COL24A1: variants seen among roughly 807,000 people sequenced by gnomAD.
COL24A1 encodes the protein collagen type XXIV alpha 1 chain.
Under a neutral mutation model 253.9 loss-of-function variants are expected in COL24A1, and 224 were observed. That is an observed-to-expected ratio of 0.88 (90% CI 0.79 to 0.99). The LOEUF (loss-of-function observed/expected upper bound fraction) is 0.99, where lower values mean the gene tolerates loss of function less well. Among genes scored for constraint, COL24A1 ranks in the 50% least tolerant of loss-of-function variants. The probability of loss-of-function intolerance (pLI) is 0.00; values close to 1 mark genes in which losing one functional copy is unlikely to be tolerated. For synonymous variants in COL24A1, 685 were observed against 673.7 expected (o/e 1.02, Z -0.26); for missense variants, 2,131 against 2,068.5 (o/e 1.03, Z -0.59).
chr1:86,057,102 G>A (rs556591396), intron 10 of COL24A1, among the ~76,000 whole-genome samples: 3 of 152,214 alleles, frequency 2.0e-5, no homozygotes, highest in African/African-American at 7.2e-5. Flanking sequence ...TGGATTGGGG[G>A]GCGGATCCCT....
chr1:85,965,651 T>G (rs1417150975), intron 22 of COL24A1, among the ~76,000 whole-genome samples: 1 of 152,004 alleles, frequency 6.6e-6, no homozygotes, highest in African/African-American at 2.4e-5. Context: ...CCTTGACCCC[T>G]CAACCAACTT....
rs1268931702 is a variant in COL24A1, at chr1:85,816,849, C to G, written c.3890G>C (p.Gly1297Ala). Residue 1297 changes from glycine to alanine, a missense_variant, in exon 47 of 60, where the codon GGA becomes GCA. By Grantham distance (60) the Gly-to-Ala change is moderately conservative. Coordinates refer to ENST00000370571, the MANE Select transcript of COL24A1 (RefSeq NM_152890.7). ...AGGGTTTCCTGAAATGCCATCTGCT[C>G]CATGGTATCCTTGTATGCCTTTTGG... ...LGPKGIQGYH[G>A]ADGISGNPGK... 6.2e-7 allele frequency: 1 copy of G among 1,614,006 alleles called. No individual in the cohort carries two copies. The highest frequency in any genetic ancestry group is 8.5e-7 in the Non-Finnish European group (1 of 1,179,908).
intron 46 of COL24A1, 38 bp downstream of exon 46, chr1:85,817,996 T>C (rs746256699): frequency 3.8e-6 from 6 of 1,588,334 alleles, no homozygotes; most frequent in Non-Finnish European, 5.2e-6. Context: ...CAGTTCCATT[T>C]AGAAAAGCAA....
intron 2 of COL24A1, among the ~76,000 whole-genome samples, chr1:86,128,431 T>C (rs1005278165): frequency 6.6e-6 from 1 of 152,010 alleles, no homozygotes; most frequent in African/African-American, 2.4e-5. Context: ...ATTTAAAGTA[T>C]ATATGATCAT....
chr1:86,049,164 C>T (rs764688071), intron 11 of COL24A1, among the ~76,000 whole-genome samples: 8 of 152,172 alleles, frequency 5.3e-5, no homozygotes, highest in African/African-American at 1.9e-4. Flanking sequence ...TTGAACAAAA[C>T]AACTTGCTAT....
chr1:86,040,993 G>A (rs1186808837), intron 12 of COL24A1, among the ~76,000 whole-genome samples: 3 of 152,096 alleles, frequency 2.0e-5, no homozygotes, highest in African/African-American at 7.2e-5. Flanking sequence ...AATAACAGAT[G>A]TCCAACACCA....
chr1:85,778,135 T>A (rs1193497539), intron 52 of COL24A1, among the ~76,000 whole-genome samples: 2 of 151,236 alleles, frequency 1.3e-5, no homozygotes, highest in African/African-American at 2.5e-5. Context: ...TATTTTTAAA[T>A]TTTTTTTGCC....
intron 22 of COL24A1, among the ~76,000 whole-genome samples, chr1:85,966,530 T>C (rs757218866): frequency 6.6e-6 from 1 of 151,942 alleles, no homozygotes; most frequent in Non-Finnish European, 1.5e-5. Context: ...AAATGAGAAA[T>C]CCACAGGCCA....
intron 32 of COL24A1, among the ~76,000 whole-genome samples, chr1:85,887,950 T>G (rs1682702768): frequency 6.6e-6 from 1 of 152,138 alleles, no homozygotes; most frequent in Middle Eastern, 3.2e-3. Flanking sequence ...TGAAGCCAAC[T>G]GCCAACTTCA....
At chr1:85,970,486 T>C (rs1256241376) in intron 21 of COL24A1, among the ~76,000 whole-genome samples, 1 of 151,008 alleles carries the variant, frequency 6.6e-6, no homozygotes. Context: ...CCAAAAACTA[T>C]ATGGGTGGAT....
chr1:85,975,132 T>C (rs1692534457), intron 20 of COL24A1, among the ~76,000 whole-genome samples: 1 of 152,096 alleles, frequency 6.6e-6, no homozygotes, highest in African/African-American at 2.4e-5. Flanking sequence ...CAAATGCTGG[T>C]GAGAACACAG....
chr1:85,855,422 G>T (rs2102383543), intron 37 of COL24A1, among the ~76,000 whole-genome samples: 1 of 152,216 alleles, frequency 6.6e-6, no homozygotes, highest in East Asian at 1.9e-4. Context: ...TAACATTGAG[G>T]CACGTTGAAT....
chr1:85,970,885 T>C (rs1395939677), intron 21 of COL24A1, among the ~76,000 whole-genome samples: 1 of 152,206 alleles, frequency 6.6e-6, no homozygotes, highest in Non-Finnish European at 1.5e-5. Context: ...TGTAAAATGA[T>C]TCTTAATTCT....
intron 37 of COL24A1, among the ~76,000 whole-genome samples, chr1:85,859,128 A>T (rs763980357): frequency 3.3e-5 from 5 of 152,186 alleles, no homozygotes; most frequent in Non-Finnish European, 5.9e-5. Context: ...TACAAATTTC[A>T]TGACAGCATG....
intron 3 of COL24A1, among the ~76,000 whole-genome samples, chr1:86,122,043 T>G (rs4631724): frequency 0.062 from 9,375 of 152,110 alleles, 368 homozygotes; most frequent in East Asian, 0.14. Context: ...TTCCTACAAG[T>G]TCATTATTTT....
In COL24A1 at chr1:86,050,121, TA is replaced by T; in HGVS notation, c.1905+2del. The T allele has an allele frequency of 6.2e-7, 1 of 1,612,798 alleles. No individual in the cohort carries two copies. On this transcript the variant is annotated splice_donor_variant, in intron 11 of 59. Transcript: ENST00000370571. LOFTEE classifies it high-confidence loss of function. ...AAATACTATTTGAAGGGAATGGACT[TA>T]CCCGTTCTCCTTCAGGTCCCAGTTG...
At chr1:86,069,823 CT>C (rs1701743933) in intron 7 of COL24A1, among the ~76,000 whole-genome samples, 1 of 152,182 alleles carries the variant, frequency 6.6e-6, no homozygotes, top group Admixed American at 6.5e-5. Flanking sequence ...GCCCAAGTCC[CT>C]TCAAACACTT....
At chr1:86,023,906 T>C (rs1252713880) in intron 14 of COL24A1, among the ~76,000 whole-genome samples, 1 of 152,158 alleles carries the variant, frequency 6.6e-6, no homozygotes, top group African/African-American at 2.4e-5. Flanking sequence ...TACTACTCTT[T>C]ATAATGGAAA....
intron 5 of COL24A1, among the ~76,000 whole-genome samples, chr1:86,108,740 G>A (rs1705255360): frequency 6.6e-6 from 1 of 151,634 alleles, no homozygotes; most frequent in African/African-American, 2.4e-5. Flanking sequence ...CCAGGAGGTG[G>A]AGGTTGCAGT....
Sources: gnomAD v4.1 joint callset for allele counts (sites outside exome capture counted in the v4.1 genomes callset) on GRCh38, gnomAD v4.1.1 for gene constraint, MANE v1.5 for transcripts, NCBI Gene and HGNC (gene_info 2026-07-23, HGNC 2026-07-21) for gene names.